Variants in PROSER2 observed in about 807,000 individuals in gnomAD.
PROSER2 encodes proline and serine-rich protein 2.
PROSER2 carries 18 observed loss-of-function variants against 14.6 expected under a neutral mutation model. That is an observed-to-expected ratio of 1.23 (90% CI 0.85 to 1.83). The LOEUF (loss-of-function observed/expected upper bound fraction) is 1.83, where lower values mean the gene tolerates loss of function less well. Ranked by LOEUF, PROSER2 falls within the 40% of genes most tolerant of loss-of-function variation. The pLI is 0.00. For synonymous variants in PROSER2, 367 were observed against 286.4 expected (o/e 1.28, Z -2.84); for missense variants, 823 against 629.8 (o/e 1.31, Z -3.28).
At chr10:11,841,721 CT>C (rs1471745659) in intron 1 of PROSER2, among the ~76,000 whole-genome samples, 3 of 152,112 alleles carry the variant, frequency 2.0e-5, no homozygotes, top group African/African-American at 7.2e-5. Context: ...AATTTAATTG[CT>C]TTGTAGTAAA....
At chr10:11,841,603 C>G (rs762894638) in intron 1 of PROSER2, among the ~76,000 whole-genome samples, 2 of 152,146 alleles carry the variant, frequency 1.3e-5, no homozygotes, top group Non-Finnish European at 2.9e-5. Context: ...TATTTACTTA[C>G]GAGTATTTCT....
At position 11,865,230 on chromosome 10, in the gene PROSER2, C is replaced by CT. The variant is rs1834321838; in HGVS notation, c.139-1298dup. Among the ~76,000 whole-genome samples, 1 of 151,716 alleles carries CT rather than the reference C, an allele frequency of 6.6e-6. No homozygotes were observed. The highest frequency in any genetic ancestry group is 2.4e-5 in the African/African-American group (1 of 41,284). ...TTTTCATAGTTTTCTGATTTTACAA[C>CT]TTTATCTTTTAGGCTTTTATTTAGT... On this transcript the variant is annotated intron_variant, in intron 2 of 3. Coordinates refer to ENST00000277570, the MANE Select transcript of PROSER2 (RefSeq NM_153256.4). The surrounding 1 kb of genome is among the most constrained non-coding windows in gnomAD (Gnocchi z 4.2).
intron 1 of PROSER2, among the ~76,000 whole-genome samples, chr10:11,829,568 C>G (rs181488774): frequency 6.6e-6 from 1 of 151,342 alleles, no homozygotes; most frequent in African/African-American, 2.4e-5. Flanking sequence ...TAAGACAGAG[C>G]GAGACCCTGT....
At chr10:11,854,719 G>A (rs534201340) in intron 2 of PROSER2, among the ~76,000 whole-genome samples, 73 of 151,512 alleles carry the variant, frequency 4.8e-4, no homozygotes, top group Non-Finnish European at 8.1e-4. Flanking sequence ...CACCATCCCC[G>A]ACTAATTTTT....
In PROSER2 at chr10:11,836,134, C is replaced by T. The variant is rs1278477987; in HGVS notation, c.-82+12664C>T. ...GCAACCTCGGCCTTCTGGGTTCAAG[C>T]GATTCTCCTGCCTCAGTCTCCCGAG... is the stretch of plus-strand genomic sequence containing the variant. On this transcript the variant is annotated intron_variant, in intron 1 of 3. Coordinates refer to ENST00000277570, the MANE Select transcript of PROSER2 (RefSeq NM_153256.4). This position sits in a 1 kb window ranked among gnomAD's most constrained non-coding sequence, Gnocchi z 4.6. Among the ~76,000 whole-genome samples, 1 of 152,080 alleles carries T rather than the reference C, an allele frequency of 6.6e-6. No individual in the cohort carries two copies. The highest frequency in any genetic ancestry group is 1.5e-5 in the Non-Finnish European group (1 of 68,012).
chr10:11,868,903 G>A (rs746962147), intron 3 of PROSER2, among the ~76,000 whole-genome samples: 2 of 152,180 alleles, frequency 1.3e-5, no homozygotes, highest in East Asian at 3.9e-4. Context: ...CACCTGCCTC[G>A]GCCTCCCAAA....
rs1834473228 is a variant in PROSER2 at position 11,870,797 on chromosome 10, A to G, written c.*391A>G. Reference sequence around the variant, plus strand: ...CTACCCTCTTCTCGAAGTACATGACATGAAAGTTCAGATCCCTTCCACTCA... The same window carrying G: ...CTACCCTCTTCTCGAAGTACATGACGTGAAAGTTCAGATCCCTTCCACTCA... On this transcript the variant is annotated 3_prime_UTR_variant, in exon 4 of 4. Transcript: ENST00000277570. The G allele has an allele frequency of 5.4e-6, 1 of 184,070 alleles. No individual in the cohort carries two copies. Among genetic ancestry groups the G allele is most frequent in the South Asian group, 2.0e-4 (1 of 5,010 alleles). 11.4% of individuals were successfully genotyped at this position (184,070 alleles called of 1,614,324 possible). A position where few individuals can be genotyped will look rare whatever the true frequency, so the allele number is the denominator to read the frequency against.
chr10:11,840,878 T>C (rs185138249), intron 1 of PROSER2, among the ~76,000 whole-genome samples: 1 of 132,016 alleles, frequency 7.6e-6, no homozygotes, highest in Non-Finnish European at 1.5e-5. Flanking sequence ...TGAGCGAAGA[T>C]TGCACCATTG....
At position 11,865,498 on chromosome 10, in the gene PROSER2, A is replaced by C. The variant is rs1034597154; in HGVS notation, c.139-1033A>C. On this transcript the variant is annotated intron_variant, in intron 2 of 3. Coordinates refer to ENST00000277570, the MANE Select transcript of PROSER2 (RefSeq NM_153256.4). The surrounding 1 kb of genome is among the most constrained non-coding windows in gnomAD (Gnocchi z 4.2). ...TCCTCAGATGCTCGGTGGTTATTAG[A>C]TATCTGCGCATACTCCAGAGTAGGA... Among the ~76,000 whole-genome samples the C allele has an allele frequency of 6.6e-6, 1 of 152,202 alleles. No homozygotes were observed. Among genetic ancestry groups the C allele is most frequent in the Non-Finnish European group, 1.5e-5 (1 of 68,038 alleles).
intron 1 of PROSER2, among the ~76,000 whole-genome samples, chr10:11,834,215 G>A (rs1471530976): frequency 1.3e-5 from 2 of 150,658 alleles, no homozygotes; most frequent in African/African-American, 2.4e-5. Flanking sequence ...GAATGATCTC[G>A]ATCTTTTGAC....
Position 11,836,670 on chromosome 10 carries a change from C to T in PROSER2, c.-82+13200C>T, listed in dbSNP as rs1833765088. On this transcript the variant is annotated intron_variant, in intron 1 of 3. Transcript: ENST00000277570. This position sits in a 1 kb window ranked among gnomAD's most constrained non-coding sequence, Gnocchi z 4.6. ...CACTGACCTCTGCCCTACTGTATAT[C>T]CTGACACAGGAAGGGGGATGTCTTT... Among the ~76,000 whole-genome samples, 1 of 152,114 alleles carries T rather than the reference C, an allele frequency of 6.6e-6. No homozygotes were observed. Among genetic ancestry groups the T allele is most frequent in the South Asian group, 2.1e-4 (1 of 4,818 alleles).
intron 1 of PROSER2, among the ~76,000 whole-genome samples, chr10:11,829,752 G>T (rs1403522699): frequency 6.6e-6 from 1 of 151,082 alleles, no homozygotes; most frequent in African/African-American, 2.4e-5. Flanking sequence ...AATGCCAGCA[G>T]TATCACTTTA....
rs879517847 is a variant in PROSER2 at position 11,856,710 on chromosome 10, G to A, written c.138+4495G>A. Among the ~76,000 whole-genome samples, 8 of 152,204 alleles carry A rather than the reference G, an allele frequency of 5.3e-5. No homozygotes were observed. The highest frequency in any genetic ancestry group is 4.6e-4 in the Admixed American group (7 of 15,286). On this transcript the variant is annotated intron_variant, in intron 2 of 3. Transcript: ENST00000277570. The surrounding 1 kb of genome is among the most constrained non-coding windows in gnomAD (Gnocchi z 5.3). Reference sequence around the variant, plus strand: ...CACAGCGGTCTGTGACCAGGCAGCCGGCAGCTCCTGAGCCACCCTGTTGCT... The same window carrying A: ...CACAGCGGTCTGTGACCAGGCAGCCAGCAGCTCCTGAGCCACCCTGTTGCT...
At chr10:11,858,964 G>T (rs11257366) in intron 2 of PROSER2, among the ~76,000 whole-genome samples, 12,545 of 132,830 alleles carry the variant, frequency 0.094, 587 homozygotes, top group Middle Eastern at 0.22. Context: ...AGCCGAGATT[G>T]TATGACTGCA....
At chr10:11,841,873 TTGA>T (rs1379343661) in intron 1 of PROSER2, among the ~76,000 whole-genome samples, 8 of 152,228 alleles carry the variant, frequency 5.3e-5, no homozygotes, top group Non-Finnish European at 8.8e-5. Context: ...GTTGTAAATC[TTGA>T]TGAGATCAAA....
intron 2 of PROSER2, among the ~76,000 whole-genome samples, chr10:11,861,529 G>T (rs752258794): frequency 1.3e-5 from 2 of 152,110 alleles, no homozygotes; most frequent in Non-Finnish European, 2.9e-5. Context: ...TTGAAATCCG[G>T]CCGTGAAAGT....
chr10:11,826,048 A>C (rs565647359), intron 1 of PROSER2, among the ~76,000 whole-genome samples: 1 of 149,358 alleles, frequency 6.7e-6, no homozygotes, highest in South Asian at 2.2e-4. Flanking sequence ...CCCTCTCCCA[A>C]CCTCTGGCAG....
intron 1 of PROSER2, among the ~76,000 whole-genome samples, chr10:11,825,202 A>G (rs1234526220): frequency 1.3e-5 from 2 of 152,052 alleles, no homozygotes; most frequent in Non-Finnish European, 2.9e-5. Flanking sequence ...CTGAAGGGGG[A>G]GAGAGGAAGG....
In PROSER2 at chr10:11,838,189, G is replaced by A. The variant is rs368514418; in HGVS notation, c.-81-13808G>A. Among the ~76,000 whole-genome samples, 34 of 152,046 alleles carry A rather than the reference G, an allele frequency of 2.2e-4. No individual in the cohort carries two copies. The highest frequency in any genetic ancestry group is 1.0e-3 in the South Asian group (5 of 4,798). On this transcript the variant is annotated intron_variant, in intron 1 of 3. Transcript: ENST00000277570. This position sits in a 1 kb window ranked among gnomAD's most constrained non-coding sequence, Gnocchi z 4.4. The stretch of plus-strand genomic sequence containing the variant: ...TTTAGAACAATCAGGTCATGCCCCC[G>A]ACACACACTCACCCCCCAGACTCAC...
Sources: allele counts gnomAD v4.1 joint callset (sites outside exome capture counted in the v4.1 genomes callset), GRCh38; gene constraint gnomAD v4.1.1; non-coding constraint Gnocchi (gnomAD v3.1); transcripts MANE v1.5; gene names NCBI Gene and HGNC (gene_info 2026-07-23, HGNC 2026-07-21).